HS1BP3: variants seen among roughly 807,000 people sequenced by gnomAD.
HS1BP3 encodes HCLS1-binding protein 3.
HS1BP3 carries 32 observed loss-of-function variants against 33.5 expected under a neutral mutation model. That is an observed-to-expected ratio of 0.95 (90% CI 0.72 to 1.28). The LOEUF is 1.28. HS1BP3 is among the 50% of genes most tolerant of loss of function. HS1BP3 has a pLI of 0.00. For missense variants in HS1BP3, 486 were observed against 502.3 expected (o/e 0.97, Z 0.31); for synonymous variants, 187 against 209.2 (o/e 0.89, Z 0.92).
intron 2 of HS1BP3, among the ~76,000 whole-genome samples, chr2:20,608,080 T>C (rs1694236762): frequency 6.6e-6 from 1 of 152,246 alleles, no homozygotes; most frequent in East Asian, 1.9e-4. Flanking sequence ...TAATTTTGTG[T>C]TAATATTGTA....
At chr2:20,560,078 A>G (rs190590633), downstream of HS1BP3, among the ~76,000 whole-genome samples, 353 of 152,282 alleles carry the variant, frequency 2.3e-3, 10 homozygotes, top group Non-Finnish European at 3.1e-4. Context: ...AGCACATACA[A>G]GCAGGGCTGG....
chr2:20,638,445 C>A lies in HS1BP3; in HGVS notation c.614G>T (p.Gly205Val), dbSNP rs1244290209. The A allele has an allele frequency of 6.2e-7, 1 of 1,614,078 alleles. No individual in the cohort carries two copies. The highest frequency in any genetic ancestry group is 1.7e-5 in the Admixed American group (1 of 60,028). The stretch of plus-strand genomic sequence containing the variant: ...ACAACAGGAGACCAACCGCATAATG[C>A]CCAGAGGGTCCAGCGCCTCCTCCTC... ...LEEEEALDPL[G>V]IMRSKKPKKH... The change falls in exon 4 of 7, where the codon GGC becomes GTC. Residue 205 changes from glycine (G) to valine (V), a missense_variant. Physicochemically the swap from Gly to Val is moderately radical, Grantham distance 109. Coordinates refer to ENST00000304031, the MANE Select transcript of HS1BP3 (RefSeq NM_022460.4).
intron 1 of HS1BP3, among the ~76,000 whole-genome samples, chr2:20,650,663 G>C (rs1695665848): frequency 6.6e-6 from 1 of 152,196 alleles, no homozygotes; most frequent in South Asian, 2.1e-4. Context: ...CACCGGGCCT[G>C]GGACTCAGGG....
intron 3 of HS1BP3, among the ~76,000 whole-genome samples, chr2:20,639,498 A>G (rs1695270937): frequency 1.3e-5 from 2 of 152,224 alleles, no homozygotes; most frequent in African/African-American, 2.4e-5. Flanking sequence ...GTAGTTTAAA[A>G]CAACTGACTT....
At chr2:20,565,782 C>T (rs1251903718) in intron 5 of HS1BP3, among the ~76,000 whole-genome samples, 1 of 152,216 alleles carries the variant, frequency 6.6e-6, no homozygotes, top group Non-Finnish European at 1.5e-5. Context: ...AGGGTTTTGT[C>T]ACTCCTCTCA....
chr2:20,633,862 C>T (rs1572352920), intron 4 of HS1BP3, among the ~76,000 whole-genome samples: 1 of 152,228 alleles, frequency 6.6e-6, no homozygotes, highest in East Asian at 1.9e-4. Context: ...TTGGCATGCA[C>T]ACTGTGCTGC....
chr2:20,587,230 G>T (rs542605260), intron 5 of HS1BP3, among the ~76,000 whole-genome samples: 1 of 152,306 alleles, frequency 6.6e-6, no homozygotes, highest in African/African-American at 2.4e-5. Flanking sequence ...GTCATTTAAA[G>T]TGGTCTTTTT....
At chr2:20,649,807 C>T (rs1297575195) in intron 1 of HS1BP3, among the ~76,000 whole-genome samples, 1 of 152,172 alleles carries the variant, frequency 6.6e-6, no homozygotes, top group Non-Finnish European at 1.5e-5. Flanking sequence ...TGTGGCCTTA[C>T]CACCGCCAGC....
downstream of HS1BP3, among the ~76,000 whole-genome samples, chr2:20,558,693 T>G (rs1295215272): frequency 5.3e-5 from 8 of 152,174 alleles, no homozygotes; most frequent in African/African-American, 1.7e-4. Flanking sequence ...AGGGGAGACT[T>G]GGCTGATTTC....
At chr2:20,608,297 G>A (rs1344458423) in intron 2 of HS1BP3, among the ~76,000 whole-genome samples, 1 of 151,950 alleles carries the variant, frequency 6.6e-6, no homozygotes, top group Non-Finnish European at 1.5e-5. Context: ...GAAACAGGCC[G>A]GGTGTGGTGG....
At position 20,631,953 on chromosome 2, in the gene HS1BP3, G is replaced by A. The variant is rs911369187; in HGVS notation, c.623+6483C>T. ...AACCTGCCCAGGAAGCCAGACCACA[G>A]CCTCTGCAGCAGTCAGCCCCAAATG... On this transcript the variant is annotated intron_variant, in intron 4 of 6. Coordinates refer to ENST00000304031, the MANE Select transcript of HS1BP3 (RefSeq NM_022460.4). Among the ~76,000 whole-genome samples the A allele has an allele frequency of 2.8e-4, 43 of 152,232 alleles. 1 individual carries two copies. Among genetic ancestry groups the A allele is most frequent in the Admixed American group, 2.0e-3 (31 of 15,292 alleles).
At chr2:20,620,150 C>G (rs762171993) in intron 6 of HS1BP3, among the ~76,000 whole-genome samples, 14 of 152,280 alleles carry the variant, frequency 9.2e-5, no homozygotes, top group Admixed American at 2.0e-4. Flanking sequence ...TCCACCCACT[C>G]AGCTCTGTGC....
chr2:20,624,228 C>A (rs1334615908), intron 5 of HS1BP3, among the ~76,000 whole-genome samples, 197 bp from the exon 6 acceptor site: 1 of 152,158 alleles, frequency 6.6e-6, no homozygotes, highest in Non-Finnish European at 1.5e-5. Context: ...CCGGGGCCCT[C>A]GGGATAGGGA....
intron 5 of HS1BP3, among the ~76,000 whole-genome samples, chr2:20,585,440 C>T (rs1693658424): frequency 6.6e-6 from 1 of 152,116 alleles, no homozygotes; most frequent in Admixed American, 6.5e-5. Context: ...TAACTGAATC[C>T]CTACAATGCA....
intron 2 of HS1BP3, among the ~76,000 whole-genome samples, chr2:20,601,770 C>CT (rs35644786): frequency 0.035 from 2,388 of 69,088 alleles, 638 homozygotes; most frequent in African/African-American, 0.08. Context: ...AGTGTGTCTT[C>CT]TTTTTTTTTT....
chr2:20,565,980 G>C (rs1483874204), intron 5 of HS1BP3, among the ~76,000 whole-genome samples: 2 of 152,318 alleles, frequency 1.3e-5, no homozygotes, highest in Non-Finnish European at 2.9e-5. Flanking sequence ...ATTGCTTCCT[G>C]GTATGGTAGT....
intron 5 of HS1BP3, among the ~76,000 whole-genome samples, chr2:20,580,316 C>T (rs922115206): frequency 5.3e-5 from 8 of 152,100 alleles, no homozygotes; most frequent in South Asian, 2.1e-4. Flanking sequence ...CTCAGAAGTT[C>T]GAGACCAGCC....
intron 4 of HS1BP3, among the ~76,000 whole-genome samples, chr2:20,627,017 A>G (rs561118027): frequency 1.3e-5 from 2 of 152,308 alleles, no homozygotes; most frequent in East Asian, 3.9e-4. Flanking sequence ...GGAAACCCCA[A>G]GCAGGCCCAG....
intron 5 of HS1BP3, among the ~76,000 whole-genome samples, chr2:20,569,365 G>A (rs997113692): frequency 6.6e-6 from 1 of 152,126 alleles, no homozygotes; most frequent in African/African-American, 2.4e-5. Context: ...TTTTAGAAAC[G>A]TCTGCTGTAA....
Sources: gnomAD v4.1 joint callset for allele counts (sites outside exome capture counted in the v4.1 genomes callset) on GRCh38, gnomAD v4.1.1 for gene constraint, MANE v1.5 for transcripts, NCBI Gene and HGNC (gene_info 2026-07-23, HGNC 2026-07-21) for gene names.